C3orf20: variants seen among roughly 807,000 people sequenced by gnomAD.
The protein encoded by C3orf20 is family with sequence similarity 149 member C.
In C3orf20, 76 loss-of-function variants were observed where a neutral mutation model predicts 88.3. That is an observed-to-expected ratio of 0.86 (90% confidence interval 0.72 to 1.04). C3orf20 has a LOEUF of 1.04. Ranked by LOEUF, C3orf20 falls within the 50% of genes least tolerant of loss-of-function variation. The pLI is 0.00. For synonymous variants in C3orf20, 436 were observed against 437.4 expected, an observed-to-expected ratio of 1.00 and a Z score of 0.04; for missense variants, 1,056 against 1,123.3, an observed-to-expected ratio of 0.94 and a Z score of 0.86.
intron 12 of C3orf20, among the ~76,000 whole-genome samples, chr3:14,732,728 T>C (rs1194100369): frequency 1.3e-5 from 2 of 152,228 alleles, no homozygotes. Context: ...CAAAGAATTA[T>C]GAAGTCCAAA....
At chr3:14,697,694 C>A (rs2033067743) in intron 5 of C3orf20, among the ~76,000 whole-genome samples, 1 of 4,750 alleles carries the variant, frequency 2.1e-4, no homozygotes, top group Admixed American at 3.4e-3. Flanking sequence ...AATGCTATCC[C>A]TCCCCCAGCC....
chr3:14,757,543 C>G lies in C3orf20; in HGVS notation c.2113C>G (p.Arg705Gly), dbSNP rs772101163. 20 of 1,614,016 alleles carry G rather than the reference C, an allele frequency of 1.2e-5. 2 individuals carry two copies. In the South Asian group the frequency reaches 2.1e-4, roughly 17 times the overall value. The change falls in exon 13 of 17, where the codon CGA (arginine) becomes GGA (glycine). Residue 705 changes from arginine (R) to glycine (G), a missense_variant. By Grantham distance (125) the Arg-to-Gly change is moderately radical. Coordinates refer to ENST00000253697, the MANE Select transcript of C3orf20 (RefSeq NM_032137.5). Reference protein sequence around the residue: ...VELERFLLAPRDPSQVLVFGI... With the variant: ...VELERFLLAPGDPSQVLVFGI... ...GCTGGAGCGCTTCCTGTTGGCGCCCCGAGACCCCAGCCAAGTGCTGGTGTT... is the reference window on the plus strand; with the variant it reads ...GCTGGAGCGCTTCCTGTTGGCGCCCGGAGACCCCAGCCAAGTGCTGGTGTT...
chr3:14,716,725 C>G (rs1368399674), intron 9 of C3orf20, among the ~76,000 whole-genome samples: 1 of 152,196 alleles, frequency 6.6e-6, no homozygotes, highest in Non-Finnish European at 1.5e-5. Flanking sequence ...ACAGTGCACA[C>G]AGTTTGGATT....
intron 12 of C3orf20, among the ~76,000 whole-genome samples, chr3:14,745,207 G>T (rs1004191225): frequency 6.6e-6 from 1 of 152,120 alleles, no homozygotes; most frequent in African/African-American, 2.4e-5. Context: ...GAGAGAGAGA[G>T]CAGTGAGGGA....
In C3orf20 at chr3:14,683,875, CAA is replaced by C. The variant is rs966127219; in HGVS notation, c.485-348_485-347del. Among the ~76,000 whole-genome samples, 157 of 83,176 alleles carry C rather than the reference CAA, an allele frequency of 1.9e-3. 1 individual carries two copies. Among genetic ancestry groups the C allele is most frequent in the Admixed American group, 2.9e-3 (21 of 7,312 alleles). 54.6% of individuals were successfully genotyped at this position (83,176 alleles called of 152,430 possible). A position where few individuals can be genotyped will look rare whatever the true frequency, so the allele number is the denominator to read the frequency against. On this transcript the variant is annotated intron_variant, in intron 3 of 16. Coordinates refer to ENST00000253697, the MANE Select transcript of C3orf20 (RefSeq NM_032137.5). Reference sequence around the variant, plus strand: ...TGGGTGATAGAGCGAGACTCCATCTCAAAAAAAAAAAAAAAAAAAAGAACCGG... The same window carrying C: ...TGGGTGATAGAGCGAGACTCCATCTCAAAAAAAAAAAAAAAAAAGAACCGG...
intron 13 of C3orf20, 67 bp downstream of exon 13, chr3:14,757,741 A>C: frequency 6.9e-7 from 1 of 1,456,522 alleles, no homozygotes; most frequent in Non-Finnish European, 9.3e-7. Flanking sequence ...GTCCGAGAAA[A>C]CCCCCACAGT....
rs770966411 is a variant in C3orf20, at chr3:14,722,462, C to T, written c.1566+678C>T. On this transcript the variant is annotated intron_variant, in intron 10 of 16. Transcript: ENST00000253697. ...CAAAGGATAAGGCAGAAGAGTTTCC[C>T]TAAAGGAAAATCAAGGTGCTGTTAC... 15 of 456,514 alleles carry T rather than the reference C, an allele frequency of 3.3e-5. 1 individual carries two copies. The highest frequency in any genetic ancestry group is 2.3e-4 in the South Asian group (15 of 64,554). 28.3% of individuals were successfully genotyped at this position (456,514 alleles called of 1,614,324 possible). A position where few individuals can be genotyped will look rare whatever the true frequency, so the allele number is the denominator to read the frequency against.
At chr3:14,736,393 C>A (rs146228516) in intron 12 of C3orf20, among the ~76,000 whole-genome samples, 1 of 151,518 alleles carries the variant, frequency 6.6e-6, no homozygotes, top group Non-Finnish European at 1.5e-5. Flanking sequence ...TGGGTTCAAG[C>A]GATTATCCTG....
chr3:14,685,460 T>TTCTCTCTCTCTCTCTCTC (rs60024348), intron 4 of C3orf20, among the ~76,000 whole-genome samples: 1 of 139,014 alleles, frequency 7.2e-6, no homozygotes, highest in Non-Finnish European at 1.5e-5. Context: ...CTCTCTCTGT[T>TTCTCTCTCTCTCTCTCTC]TCTCTCTCTC....
At chr3:14,693,704 C>G (rs2032840010) in intron 5 of C3orf20, among the ~76,000 whole-genome samples, 1 of 152,118 alleles carries the variant, frequency 6.6e-6, no homozygotes, top group East Asian at 1.9e-4. Context: ...TCTGATTGCT[C>G]TAGCCAGGAC....
intron 15 of C3orf20, chr3:14,765,405 A>G (rs2035676179): frequency 1.3e-5 from 2 of 152,262 alleles, no homozygotes; most frequent in South Asian, 4.1e-4. Context: ...TGCTGGAAAC[A>G]GTCTCTGAAA....
chr3:14,712,190 A>T lies in C3orf20; in HGVS notation c.1161-1817A>T, dbSNP rs201399549. On this transcript the variant is annotated intron_variant, in intron 7 of 16. Coordinates refer to ENST00000253697, the MANE Select transcript of C3orf20 (RefSeq NM_032137.5). ...CACACACACGCGCGCGCGCACACAC[A>T]CACACACACACACACACACACACAC... Among the ~76,000 whole-genome samples, 1,174 of 130,396 alleles carry T rather than the reference A, an allele frequency of 9.0e-3. 6 individuals are homozygous for T. Among genetic ancestry groups the T allele is most frequent in the East Asian group, 0.014 (65 of 4,516 alleles). 85.5% of individuals were successfully genotyped at this position (130,396 alleles called of 152,430 possible). A position where few individuals can be genotyped will look rare whatever the true frequency, so the allele number is the denominator to read the frequency against.
intron 1 of C3orf20, among the ~76,000 whole-genome samples, chr3:14,675,884 T>A (rs918211666): frequency 5.3e-4 from 80 of 152,048 alleles, no homozygotes; most frequent in Non-Finnish European, 8.8e-4. Flanking sequence ...AGAAATGGGG[T>A]TTCACCCATG....
At chr3:14,712,544 C>A (rs1575116559) in intron 7 of C3orf20, among the ~76,000 whole-genome samples, 1 of 152,176 alleles carries the variant, frequency 6.6e-6, no homozygotes, top group East Asian at 1.9e-4. Flanking sequence ...AACTCTGCTC[C>A]TATATAGCTG....
chr3:14,739,300 G>C (rs1268627578), intron 12 of C3orf20, among the ~76,000 whole-genome samples: 3 of 152,104 alleles, frequency 2.0e-5, no homozygotes, highest in Non-Finnish European at 2.9e-5. Flanking sequence ...TAATAATCTT[G>C]TACATCTCCA....
intron 12 of C3orf20, 51 bp downstream of exon 12, chr3:14,728,739 G>A: frequency 1.3e-6 from 2 of 1,586,638 alleles, no homozygotes; most frequent in Admixed American, 1.8e-5. Context: ...GTGATGGGCA[G>A]TGGGCACAGG....
At position 14,720,021 on chromosome 3, in the gene C3orf20, GTTTTGTT is replaced by G. The variant is rs555054888; in HGVS notation, c.1435-1613_1435-1607del. 4.0e-5 allele frequency among the ~76,000 whole-genome samples: 6 copies of G among 150,834 alleles called. No homozygotes were observed. In the East Asian group the frequency reaches 5.8e-4, roughly 15 times the overall value. On this transcript the variant is annotated intron_variant, in intron 9 of 16. Coordinates refer to ENST00000253697, the MANE Select transcript of C3orf20 (RefSeq NM_032137.5). ...TTTTTTTGTTTTTTTGTTTTGTTTT[GTTTTGTT>G]TTTTGTTTTTTGTTTTTTTGAGATA... is the stretch of plus-strand genomic sequence containing the variant.
chr3:14,743,197 G>A (rs1200038745), intron 12 of C3orf20, among the ~76,000 whole-genome samples: 1 of 151,984 alleles, frequency 6.6e-6, no homozygotes, highest in East Asian at 1.9e-4. Flanking sequence ...CTACTTCCTA[G>A]ATACAATGGG....
At chr3:14,751,704 C>T (rs1047820746) in intron 12 of C3orf20, among the ~76,000 whole-genome samples, 1 of 152,180 alleles carries the variant, frequency 6.6e-6, no homozygotes, top group African/African-American at 2.4e-5. Context: ...AACAGAGAGC[C>T]AAATCATGAG....
Sources: gnomAD v4.1 joint callset for allele counts (sites outside exome capture counted in the v4.1 genomes callset) on GRCh38, gnomAD v4.1.1 for gene constraint, MANE v1.5 for transcripts, NCBI Gene and HGNC (gene_info 2026-07-23, HGNC 2026-07-21) for gene names.